Variants in ZNF292 observed in about 807,000 individuals in gnomAD.
ZNF292 encodes zinc finger protein 292.
In ZNF292, 26 loss-of-function variants were observed where a neutral mutation model predicts 217.9. The ratio of observed to expected loss-of-function variants is 0.12; its 90% confidence interval spans 0.09 to 0.17. The LOEUF is 0.17. Among genes scored for constraint, ZNF292 ranks in the 10% least tolerant of loss-of-function variants. The pLI is 1.00. For synonymous variants in ZNF292, 1,257 were observed against 1,124.1 expected (o/e 1.12, Z -2.37); for missense variants, 2,904 against 3,175.2 (o/e 0.91, Z 2.05).
rs767316037 is a variant in ZNF292, at chr6:87,258,710, A to G, written c.5081A>G (p.Asn1694Ser). ...CTAACACAGAAATTAAATAATGTTA[A>G]CAATCAGTTATTTATGACTGATGTA... ...ENLTQKLNNV[N>S]NQLFMTDVKE... Residue 1694 changes from asparagine (N) to serine (S), a missense_variant, in exon 8 of 8, where the codon AAC becomes AGC. Coordinates refer to ENST00000369577, the MANE Select transcript of ZNF292 (RefSeq NM_015021.3). 7 of 1,613,254 alleles carry G rather than the reference A, an allele frequency of 4.3e-6. No homozygotes were observed.
chr6:87,162,361 C>T (rs1770779097), intron 1 of ZNF292, among the ~76,000 whole-genome samples: 1 of 152,162 alleles, frequency 6.6e-6, no homozygotes, highest in Non-Finnish European at 1.5e-5. Context: ...ATACATGTTA[C>T]ATTATAACTG....
chr6:87,191,536 T>C (rs888115424), intron 1 of ZNF292, among the ~76,000 whole-genome samples: 5 of 152,246 alleles, frequency 3.3e-5, no homozygotes, highest in Admixed American at 6.5e-5. Flanking sequence ...AATTTTTGGT[T>C]CAGAGAGTAT....
chr6:87,157,527 A>G (rs1415517904), intron 1 of ZNF292, among the ~76,000 whole-genome samples: 22 of 152,228 alleles, frequency 1.4e-4, no homozygotes, highest in Non-Finnish European at 2.9e-4. Context: ...AATAGTGTCC[A>G]CTGATAGTTT....
In ZNF292 at chr6:87,259,656, A is replaced by G. The variant is rs779649908; in HGVS notation, c.6027A>G (p.Leu2009=). Residue 2009 remains leucine (L), a synonymous_variant, in exon 8 of 8, where the codon CTA becomes CTG. Coordinates refer to ENST00000369577, the MANE Select transcript of ZNF292 (RefSeq NM_015021.3). ...ASRSTQVKKQ[L]AMTEENKKES... is the part of the protein sequence containing the mutation. ...GAAGTACACAAGTGAAAAAACAGCTAGCTATGACAGAGGAAAATAAAAAGG... is the reference window on the plus strand; with the variant it reads ...GAAGTACACAAGTGAAAAAACAGCTGGCTATGACAGAGGAAAATAAAAAGG... The G allele has an allele frequency of 1.6e-5, 26 of 1,588,054 alleles. No individual in the cohort carries two copies. The South Asian group carries it at 2.3e-4, about 14-fold the overall frequency.
At chr6:87,170,625 A>C (rs1346826073) in intron 1 of ZNF292, among the ~76,000 whole-genome samples, 1 of 152,216 alleles carries the variant, frequency 6.6e-6, no homozygotes, top group African/African-American at 2.4e-5. Flanking sequence ...CTATAATTGA[A>C]TGAAAATATT....
chr6:87,170,420 A>T (rs968571846), intron 1 of ZNF292: 1 of 152,254 alleles, frequency 6.6e-6, no homozygotes, highest in East Asian at 1.9e-4. Context: ...TTCTGAATGC[A>T]TGTGTCATAA....
chr6:87,254,706 G>T lies in ZNF292; in HGVS notation c.1077G>T (p.Leu359Phe). 2 of 1,613,902 alleles carry T rather than the reference G, an allele frequency of 1.2e-6. No homozygotes were observed. Among genetic ancestry groups the T allele is most frequent in the South Asian group, 2.2e-5 (2 of 91,078 alleles). ...CIELCVKALR[L>F]ESTENTEVKI... ...AACTGTGTGTAAAGGCTCTTCGCTT[G>T]GAGTCTACAGAAAATACTGAAGTGA... Residue 359 changes from leucine to phenylalanine, a missense_variant, in exon 8 of 8, where the codon TTG (leucine) becomes TTT (phenylalanine). Physicochemically the swap from Leu to Phe is conservative, Grantham distance 22 (BLOSUM62 0). Around this residue, in one of 15 missense-constraint regions of ZNF292, gnomAD observed 313 missense variants for 451.0 expected, o/e 0.69. Transcript: ENST00000369577.
chr6:87,245,259 T>G (rs987486784), intron 6 of ZNF292, among the ~76,000 whole-genome samples: 3 of 152,114 alleles, frequency 2.0e-5, no homozygotes, highest in African/African-American at 7.2e-5. Flanking sequence ...TGTTAGATGC[T>G]TTCCTAGTAG....
intron 1 of ZNF292, among the ~76,000 whole-genome samples, chr6:87,197,722 C>CAAAAAA (rs11312557): frequency 2.6e-5 from 2 of 77,308 alleles, no homozygotes; most frequent in Non-Finnish European, 4.9e-5. Context: ...CTCGCTGTTT[C>CAAAAAA]AAAAAAAAAA....
rs1283436173 is a variant in ZNF292 at position 87,255,687 on chromosome 6, T to A, written c.2058T>A (p.Thr686=). ...TTAATGAATTTAATTGCCCTGTAAC[T>A]TTTTGTAAAAAGGGCTTTAAGTACT... The part of the protein sequence containing the change: ...VPVNEFNCPV[T]FCKKGFKYFK... The change falls in exon 8 of 8, where the codon ACT becomes ACA. Residue 686 remains threonine (T), a synonymous_variant. Transcript: ENST00000369577. 20 of 1,613,294 alleles carry A rather than the reference T, an allele frequency of 1.2e-5. No homozygotes were observed. The highest frequency in any genetic ancestry group is 1.7e-5 in the Admixed American group (1 of 59,854).
chr6:87,191,769 C>T (rs1013202853), intron 1 of ZNF292, among the ~76,000 whole-genome samples: 4 of 152,178 alleles, frequency 2.6e-5, no homozygotes, highest in Non-Finnish European at 5.9e-5. Flanking sequence ...CGGGTTCAAG[C>T]GATTCTGGCT....
rs370273446 is a variant in ZNF292 at position 87,260,943 on chromosome 6, G to A, written c.7314G>A (p.Thr2438=). 1.1e-5 allele frequency: 18 copies of A among 1,610,448 alleles called. No individual in the cohort carries two copies. Among genetic ancestry groups the A allele is most frequent in the East Asian group, 6.7e-5 (3 of 44,796 alleles). ...KRCCNSQVKE[T]SEQEGAKNDV... ...GTTGCAACTCACAAGTAAAGGAAACGTCTGAGCAAGAAGGTGCTAAGAATG... is the reference window on the plus strand; with the variant it reads ...GTTGCAACTCACAAGTAAAGGAAACATCTGAGCAAGAAGGTGCTAAGAATG... Residue 2438 remains threonine (T), a synonymous_variant, in exon 8 of 8, where the codon ACG becomes ACA. Coordinates refer to ENST00000369577, the MANE Select transcript of ZNF292 (RefSeq NM_015021.3).
intron 1 of ZNF292, among the ~76,000 whole-genome samples, chr6:87,193,758 C>T (rs1582403450): frequency 6.6e-6 from 1 of 152,082 alleles, no homozygotes. Context: ...TACTTTCAGG[C>T]TAAGTGTAGA....
chr6:87,233,609 C>T, intron 5 of ZNF292, 82 bp downstream of exon 5: 7 of 1,537,426 alleles, frequency 4.6e-6, no homozygotes, highest in Non-Finnish European at 6.1e-6. Flanking sequence ...ATTTCCTTTT[C>T]TCTTAGATAG....
chr6:87,253,861 C>G (rs1433058275), intron 7 of ZNF292, among the ~76,000 whole-genome samples: 4 of 152,144 alleles, frequency 2.6e-5, no homozygotes, highest in Non-Finnish European at 5.9e-5. Flanking sequence ...TATCATTGTT[C>G]CCTTCTGGTC....
At position 87,249,796 on chromosome 6, in the gene ZNF292, A is replaced by G. The variant is rs137929986; in HGVS notation, c.1020+4152A>G. ...GCAATCTCGGCTCACTACAACCTCC[A>G]TCTCTTAGGTACAAGCGATTCTCGT... is the stretch of plus-strand genomic sequence containing the variant. On this transcript the variant is annotated intron_variant, in intron 7 of 7. Coordinates refer to ENST00000369577, the MANE Select transcript of ZNF292 (RefSeq NM_015021.3). Among the ~76,000 whole-genome samples, 1,437 of 152,016 alleles carry G rather than the reference A, an allele frequency of 9.5e-3. 19 individuals carry two copies. Among genetic ancestry groups the G allele is most frequent in the African/African-American group, 0.033 (1,353 of 41,468 alleles).
chr6:87,213,450 T>C (rs1772590804), intron 1 of ZNF292, among the ~76,000 whole-genome samples: 1 of 152,212 alleles, frequency 6.6e-6, no homozygotes, highest in Non-Finnish European at 1.5e-5. Flanking sequence ...CCCCTACTGC[T>C]GTGTCATTCC....
At chr6:87,207,563 T>G (rs1398062266) in intron 1 of ZNF292, among the ~76,000 whole-genome samples, 1 of 152,238 alleles carries the variant, frequency 6.6e-6, no homozygotes, top group Admixed American at 6.5e-5. Context: ...TATTCTTTAT[T>G]TCATGTGACT....
chr6:87,175,459 C>A (rs1214867676), intron 1 of ZNF292, among the ~76,000 whole-genome samples: 1 of 152,150 alleles, frequency 6.6e-6, no homozygotes, highest in Non-Finnish European at 1.5e-5. Context: ...CCTCAGCCAC[C>A]TGAGTAGCTA....
Sources: gnomAD v4.1 joint callset for allele counts (sites outside exome capture counted in the v4.1 genomes callset) on GRCh38, gnomAD v4.1.1 for gene constraint, gnomAD v4.1.1 regional missense constraint, MANE v1.5 for transcripts, NCBI Gene and HGNC (gene_info 2026-07-23, HGNC 2026-07-21) for gene names.